The following ARID2 variants were observed in gnomAD, a reference collection of about 807,000 sequenced individuals.
ARID2 encodes the protein AT-rich interactive domain-containing protein 2.
Under a neutral mutation model 184.6 loss-of-function variants are expected in ARID2, and 32 were observed. That is an observed-to-expected ratio of 0.17 (90% CI 0.13 to 0.23). The LOEUF (loss-of-function observed/expected upper bound fraction) is 0.23. ARID2 is among the 10% of genes least tolerant of loss of function. The probability of loss-of-function intolerance (pLI) is 1.00; values close to 1 mark genes in which losing one functional copy is unlikely to be tolerated. For synonymous variants in ARID2, 836 were observed against 772.6 expected (o/e 1.08, Z -1.36); for missense variants, 1,696 against 2,197.6 (o/e 0.77, Z 4.56).
rs1565621342 is a variant in ARID2, at chr12:45,848,981, TAGTTCTTTAAA to T, written c.1715+12_1715+22del. 2 of 1,605,812 alleles carry T rather than the reference TAGTTCTTTAAA, an allele frequency of 1.2e-6. No homozygotes were observed. Among genetic ancestry groups the T allele is most frequent in the East Asian group, 4.5e-5 (2 of 44,688 alleles). On this transcript the variant is annotated intron_variant, in intron 13 of 20. Transcript: ENST00000334344. The stretch of plus-strand genomic sequence containing the variant: ...TTATAAATGTCTTAGGTAGGATCCA[TAGTTCTTTAAA>T]TAAAGTCCATTTACGTCACTTACAA...
intron 20 of ARID2, among the ~76,000 whole-genome samples, chr12:45,897,733 CAAAA>C (rs1944388146): frequency 6.6e-6 from 1 of 151,756 alleles, no homozygotes; most frequent in Non-Finnish European, 1.5e-5. Flanking sequence ...CGATGATAGA[CAAAA>C]TGTGGCATGT....
chr12:45,737,547 T>C (rs906971749), intron 3 of ARID2, among the ~76,000 whole-genome samples: 1 of 151,540 alleles, frequency 6.6e-6, no homozygotes, highest in African/African-American at 2.4e-5. Flanking sequence ...ATTTTAGGCA[T>C]ACTTGATAGG....
chr12:45,765,206 TTTTTC>T (rs1225981106), intron 3 of ARID2, among the ~76,000 whole-genome samples: 2 of 152,126 alleles, frequency 1.3e-5, no homozygotes, highest in African/African-American at 2.4e-5. Flanking sequence ...GGTTGTTTTC[TTTTTC>T]TTTTCTTTTT....
At chr12:45,845,238 T>C (rs1313136847) in intron 11 of ARID2, among the ~76,000 whole-genome samples, 5 of 152,172 alleles carry the variant, frequency 3.3e-5, no homozygotes, top group Non-Finnish European at 7.4e-5. Flanking sequence ...TGCTCTTTCA[T>C]AGTAGAGATG....
At chr12:45,766,324 C>A (rs928546475) in intron 3 of ARID2, among the ~76,000 whole-genome samples, 1 of 151,574 alleles carries the variant, frequency 6.6e-6, no homozygotes. Flanking sequence ...CCCACCACCA[C>A]ACCCGACTAA....
At chr12:45,896,301 T>C (rs560171198) in intron 20 of ARID2, among the ~76,000 whole-genome samples, 13 of 152,228 alleles carry the variant, frequency 8.5e-5, no homozygotes, top group Admixed American at 3.9e-4. Context: ...GTGCTATGAT[T>C]GGAAGCAGAG....
intron 11 of ARID2, among the ~76,000 whole-genome samples, chr12:45,845,288 A>G (rs1001585115): frequency 2.0e-5 from 3 of 152,184 alleles, no homozygotes; most frequent in Admixed American, 6.5e-5. Context: ...CAGGCCCTAG[A>G]AAGTATTTTC....
At chr12:45,830,085 CAA>C (rs1263277438) in intron 6 of ARID2, among the ~76,000 whole-genome samples, 3 of 149,008 alleles carry the variant, frequency 2.0e-5, no homozygotes, top group Non-Finnish European at 3.0e-5. Context: ...TATATAGAAA[CAA>C]AATATATAAA....
chr12:45,795,959 T>C (rs936969649), intron 3 of ARID2, among the ~76,000 whole-genome samples: 2 of 152,140 alleles, frequency 1.3e-5, no homozygotes, highest in African/African-American at 4.8e-5. Flanking sequence ...TTTAAAGATT[T>C]GTTATTTGTT....
At chr12:45,806,143 T>C (rs1048920067) in intron 3 of ARID2, among the ~76,000 whole-genome samples, 1 of 152,152 alleles carries the variant, frequency 6.6e-6, no homozygotes, top group African/African-American at 2.4e-5. Flanking sequence ...ACTCTGTTCA[T>C]TATCTTCTGG....
At chr12:45,893,391 C>G (rs759036973) in intron 18 of ARID2, 29 bp from the exon 19 acceptor site, 2 of 1,277,288 alleles carry the variant, frequency 1.6e-6, no homozygotes, top group East Asian at 2.8e-5. Context: ...CGTTAATTCT[C>G]TCTCTCTCTC....
At chr12:45,810,317 A>G (rs920314748) in intron 3 of ARID2, among the ~76,000 whole-genome samples, 1 of 152,304 alleles carries the variant, frequency 6.6e-6, no homozygotes, top group South Asian at 2.1e-4. Context: ...CCTAGTTAAT[A>G]TTAAGATTGA....
intron 4 of ARID2, among the ~76,000 whole-genome samples, chr12:45,813,867 A>G (rs1390583917): frequency 1.3e-5 from 2 of 152,162 alleles, no homozygotes; most frequent in Non-Finnish European, 2.9e-5. Flanking sequence ...GGTTTTTATC[A>G]TTCATTTGCA....
At chr12:45,771,972 A>G (rs1941886314) in intron 3 of ARID2, among the ~76,000 whole-genome samples, 1 of 152,010 alleles carries the variant, frequency 6.6e-6, no homozygotes, top group South Asian at 2.1e-4. Context: ...ATAGATGTAT[A>G]AAACAGTGAT....
intron 3 of ARID2, among the ~76,000 whole-genome samples, chr12:45,737,004 A>C (rs1162522906): frequency 6.6e-6 from 1 of 152,322 alleles, no homozygotes; most frequent in Non-Finnish European, 1.5e-5. Context: ...TACATTTTCT[A>C]CTGTTTAAAC....
Position 45,848,984 on chromosome 12 carries a change from T to C in ARID2, c.1715+14T>C, listed in dbSNP as rs1213789962. The C allele has an allele frequency of 1.2e-6, 2 of 1,604,216 alleles. No homozygotes were observed. Among genetic ancestry groups the C allele is most frequent in the Non-Finnish European group, 1.7e-6 (2 of 1,175,766 alleles). On this transcript the variant is annotated intron_variant, in intron 13 of 20. Coordinates refer to ENST00000334344, the MANE Select transcript of ARID2 (RefSeq NM_152641.4). Reference sequence around the variant, plus strand: ...TAAATGTCTTAGGTAGGATCCATAGTTCTTTAAATAAAGTCCATTTACGTC... The same window carrying C: ...TAAATGTCTTAGGTAGGATCCATAGCTCTTTAAATAAAGTCCATTTACGTC...
At chr12:45,814,276 A>G (rs1405530244) in intron 4 of ARID2, among the ~76,000 whole-genome samples, 1 of 152,216 alleles carries the variant, frequency 6.6e-6, no homozygotes, top group African/African-American at 2.4e-5. Context: ...CCTTTCTTCT[A>G]AATTGAAAAC....
chr12:45,850,776 A>G lies in ARID2; in HGVS notation c.2653A>G (p.Ser885Gly), dbSNP rs140503694. The G allele has an allele frequency of 6.2e-7, 1 of 1,614,128 alleles. No homozygotes were observed. Residue 885 changes from serine (S) to glycine (G), a missense_variant, in exon 15 of 21, where the codon AGT becomes GGT. Ser to Gly is a moderately conservative substitution (Grantham distance 56). Coordinates refer to ENST00000334344, the MANE Select transcript of ARID2 (RefSeq NM_152641.4). ...AATGGTTACTATTGCTGGTGTCCCA[A>G]GTCCACAAGCCTCAAGGGTAGGGTT... ...GQMVTIAGVP[S>G]PQASRVGFQN...
intron 3 of ARID2, among the ~76,000 whole-genome samples, chr12:45,804,906 G>A (rs1220085059): frequency 7.2e-5 from 11 of 151,924 alleles, no homozygotes. Context: ...TTTTTTGCAT[G>A]CTTATGATCT....
Sources: allele counts gnomAD v4.1 joint callset (sites outside exome capture counted in the v4.1 genomes callset), GRCh38; gene constraint gnomAD v4.1.1; transcripts MANE v1.5; gene names NCBI Gene and HGNC (gene_info 2026-07-23, HGNC 2026-07-21).